The following CREB5 variants were observed in gnomAD, a reference collection of about 807,000 sequenced individuals.
The protein encoded by CREB5 is cyclic AMP-responsive element-binding protein 5.
CREB5 carries 19 observed loss-of-function variants against 57.1 expected under a neutral mutation model. That is an observed-to-expected ratio of 0.33 (90% CI 0.23 to 0.49). The LOEUF (loss-of-function observed/expected upper bound fraction) is 0.49, where lower values mean the gene tolerates loss of function less well. CREB5 is among the 20% of genes least tolerant of loss of function. The pLI, the probability that CREB5 is intolerant of heterozygous loss-of-function variation, is 0.99. For synonymous variants in CREB5, 238 were observed against 238.3 expected, an observed-to-expected ratio of 1.00 and a Z score of 0.01; for missense variants, 579 against 671.6, an observed-to-expected ratio of 0.86 and a Z score of 1.52.
chr7:28,351,638 T>G (rs1263920766), intron 1 of CREB5, among the ~76,000 whole-genome samples: 1 of 152,150 alleles, frequency 6.6e-6, no homozygotes, highest in Non-Finnish European at 1.5e-5. Context: ...TTCCCAGACC[T>G]CTTGATAATA....
intron 4 of CREB5, among the ~76,000 whole-genome samples, chr7:28,541,549 C>T (rs1794212076): frequency 6.6e-6 from 1 of 152,116 alleles, no homozygotes; most frequent in African/African-American, 2.4e-5. Context: ...TACCTGTAAT[C>T]CCAGCTACTT....
chr7:28,551,973 C>CTTTCTCTCTCTCTCTCT (rs1562791359), intron 4 of CREB5, among the ~76,000 whole-genome samples: 3 of 111,554 alleles, frequency 2.7e-5, no homozygotes, highest in African/African-American at 1.4e-4. Flanking sequence ...TTTATTCTCT[C>CTTTCTCTCTCTCTCTCT]TTTCTCTCTC....
rs548573511 is a variant in CREB5 at position 28,414,253 on chromosome 7, T to C, written c.3+1336T>C. Among the ~76,000 whole-genome samples the C allele has an allele frequency of 2.7e-5, 4 of 150,878 alleles. No individual in the cohort carries two copies. In the East Asian group the frequency reaches 7.9e-4, roughly 30 times the overall value. The stretch of plus-strand genomic sequence containing the variant: ...TTCCCATCTATATGCTTCTTTTGCT[T>C]CTTACAAATTGGATTTCTACAGCAA... On this transcript the variant is annotated intron_variant, in intron 1 of 10. Transcript: ENST00000357727.
chr7:28,802,995 A>G (rs1453788892), intron 7 of CREB5, among the ~76,000 whole-genome samples: 2 of 152,270 alleles, frequency 1.3e-5, no homozygotes, highest in Non-Finnish European at 2.9e-5. Context: ...GCACCACAGT[A>G]TCAGAGTTGA....
At chr7:28,451,483 TGTGTGTGTG>T (rs1425516532) in intron 1 of CREB5, among the ~76,000 whole-genome samples, 3 of 151,182 alleles carry the variant, frequency 2.0e-5, no homozygotes, top group Non-Finnish European at 3.0e-5. Context: ...TGTGTGTGTG[TGTGTGTGTG>T]TTTGTCTATA....
chr7:28,595,547 A>T (rs1796664447), intron 5 of CREB5, among the ~76,000 whole-genome samples: 1 of 152,118 alleles, frequency 6.6e-6, no homozygotes. Context: ...TTTCTATCTC[A>T]CAGTTGATAT....
chr7:28,337,531 T>C (rs982139313), intron 1 of CREB5, among the ~76,000 whole-genome samples: 5 of 151,094 alleles, frequency 3.3e-5, no homozygotes, highest in African/African-American at 1.2e-4. Flanking sequence ...TCTTTTTTTT[T>C]GTTATTTATT....
At chr7:28,335,309 G>C (rs1022708779) in intron 1 of CREB5, among the ~76,000 whole-genome samples, 15 of 151,844 alleles carry the variant, frequency 9.9e-5, no homozygotes, top group Non-Finnish European at 1.9e-4. Context: ...TAACAATATT[G>C]GTTCTTCCAA....
intron 5 of CREB5, among the ~76,000 whole-genome samples, chr7:28,596,344 A>G (rs985700090): frequency 6.6e-6 from 1 of 152,236 alleles, no homozygotes; most frequent in Admixed American, 6.5e-5. Context: ...ACTACCCTGG[A>G]TATCTCAGAA....
chr7:28,722,654 A>C (rs1014486334), intron 6 of CREB5, among the ~76,000 whole-genome samples: 1 of 152,174 alleles, frequency 6.6e-6, no homozygotes, highest in South Asian at 2.1e-4. Flanking sequence ...GGGAGTGAAC[A>C]TTTTATTTTA....
intron 5 of CREB5, among the ~76,000 whole-genome samples, chr7:28,619,132 A>G (rs1797699125): frequency 6.6e-6 from 1 of 152,228 alleles, no homozygotes; most frequent in South Asian, 2.1e-4. Flanking sequence ...AAATCATCTT[A>G]TGAGGCAGAT....
At chr7:28,520,292 C>T (rs894424445) in intron 4 of CREB5, among the ~76,000 whole-genome samples, 5 of 152,262 alleles carry the variant, frequency 3.3e-5, no homozygotes, top group African/African-American at 7.2e-5. Context: ...TAGTTGTCTC[C>T]GCATCCTCCT....
rs1334115372 is a variant in CREB5, at chr7:28,813,565, A to AT, written c.1254+4151_1254+4152insT. ...GGTCTCAGCTAATCTACCAAAACAAAAAAGCTGGGGGAGGGTATATTGTAG... is the reference window on the plus strand; with the variant it reads ...GGTCTCAGCTAATCTACCAAAACAAATAAAGCTGGGGGAGGGTATATTGTAG... On this transcript the variant is annotated intron_variant, in intron 9 of 10. Coordinates refer to ENST00000357727, the MANE Select transcript of CREB5 (RefSeq NM_182898.4). Among the ~76,000 whole-genome samples the AT allele has an allele frequency of 2.6e-5, 4 of 152,206 alleles. No homozygotes were observed. The East Asian group carries it at 7.7e-4, about 29-fold the overall frequency.
At chr7:28,388,748 G>A (rs577198732) in intron 1 of CREB5, among the ~76,000 whole-genome samples, 3 of 152,232 alleles carry the variant, frequency 2.0e-5, no homozygotes, top group African/African-American at 7.2e-5. Flanking sequence ...TCTCAATCAC[G>A]CATAATGCCT....
intron 5 of CREB5, among the ~76,000 whole-genome samples, chr7:28,625,282 C>T (rs6974458): frequency 0.063 from 9,552 of 152,160 alleles, 434 homozygotes; most frequent in South Asian, 0.11. Context: ...GCTGATAGGA[C>T]GAACAAAGGA....
chr7:28,596,756 A>C (rs764179378), intron 5 of CREB5, among the ~76,000 whole-genome samples: 4 of 152,234 alleles, frequency 2.6e-5, no homozygotes, highest in Non-Finnish European at 4.4e-5. Context: ...CATAGATGTC[A>C]TCAGAAATAA....
At chr7:28,389,631 AC>A (rs1407248672) in intron 1 of CREB5, among the ~76,000 whole-genome samples, 1 of 113,496 alleles carries the variant, frequency 8.8e-6, no homozygotes, top group Non-Finnish European at 1.9e-5. Context: ...ACTATACTAA[AC>A]TTTTTTTTTT....
intron 5 of CREB5, among the ~76,000 whole-genome samples, chr7:28,600,522 A>G (rs752246092): frequency 6.6e-5 from 10 of 152,168 alleles, no homozygotes; most frequent in African/African-American, 9.6e-5. Flanking sequence ...TGAGGATGGT[A>G]GGGAGGGGAT....
intron 1 of CREB5, among the ~76,000 whole-genome samples, chr7:28,396,223 C>A (rs1787331364): frequency 6.6e-6 from 1 of 152,150 alleles, no homozygotes; most frequent in East Asian, 1.9e-4. Context: ...GATACAAAGG[C>A]TTAGAGATAC....
Sources: allele counts gnomAD v4.1 joint callset (sites outside exome capture counted in the v4.1 genomes callset), GRCh38; gene constraint gnomAD v4.1.1; transcripts MANE v1.5; gene names NCBI Gene and HGNC (gene_info 2026-07-23, HGNC 2026-07-21).